Variants in PDCD6IP observed in about 807,000 individuals in gnomAD.
PDCD6IP encodes programmed cell death 6-interacting protein.
PDCD6IP carries 43 observed loss-of-function variants against 103.7 expected under a neutral mutation model. That is an observed-to-expected ratio of 0.41 (90% CI 0.32 to 0.53). PDCD6IP has a LOEUF of 0.53. PDCD6IP is among the 20% of genes least tolerant of loss of function. The pLI is 0.16. For missense variants in PDCD6IP, 871 were observed against 1,036.7 expected (o/e 0.84, Z 2.20); for synonymous variants, 354 against 378.7 (o/e 0.93, Z 0.76).
At chr3:33,863,583 A>G (rs1697999698) in intron 15 of PDCD6IP, among the ~76,000 whole-genome samples, 1 of 152,212 alleles carries the variant, frequency 6.6e-6, no homozygotes, top group South Asian at 2.1e-4. Flanking sequence ...TGTTGCTGCA[A>G]ATGACAGAAT....
chr3:33,858,316 A>G (rs1444249579), intron 15 of PDCD6IP, among the ~76,000 whole-genome samples: 3 of 152,204 alleles, frequency 2.0e-5, no homozygotes, highest in Non-Finnish European at 4.4e-5. Flanking sequence ...TAAAGATGTC[A>G]ATTCTAAGTT....
At chr3:33,826,606 T>TG in intron 6 of PDCD6IP, 26 bp downstream of exon 6, 1 of 1,609,560 alleles carries the variant, frequency 6.2e-7, no homozygotes, top group Non-Finnish European at 8.5e-7. Flanking sequence ...TATAAACACT[T>TG]GCTTACTTTG....
intron 3 of PDCD6IP, among the ~76,000 whole-genome samples, chr3:33,815,936 A>G (rs1696840120): frequency 6.6e-6 from 1 of 152,186 alleles, no homozygotes; most frequent in African/African-American, 2.4e-5. Flanking sequence ...AGTCAGAGCT[A>G]AGTAATATAA....
chr3:33,865,138 T>G (rs1001812288), intron 16 of PDCD6IP, 105 bp from the exon 17 acceptor site: 8 of 668,070 alleles, frequency 1.2e-5, no homozygotes, highest in Non-Finnish European at 1.9e-5. Context: ...AAAAATATAT[T>G]TGGTTGGATT....
chr3:33,818,544 G>A (rs1696915724), intron 3 of PDCD6IP, among the ~76,000 whole-genome samples: 1 of 125,032 alleles, frequency 8.0e-6, no homozygotes, highest in Non-Finnish European at 1.6e-5. Flanking sequence ...TTTTGATAGG[G>A]AGTCTCACTC....
chr3:33,818,265 G>A (rs1168113538), intron 3 of PDCD6IP, among the ~76,000 whole-genome samples: 2 of 151,182 alleles, frequency 1.3e-5, no homozygotes, highest in Non-Finnish European at 2.9e-5. Context: ...GCACCACCAC[G>A]CCTGGCGAAT....
intron 7 of PDCD6IP, among the ~76,000 whole-genome samples, chr3:33,829,705 G>C (rs909027643): frequency 6.6e-6 from 1 of 152,080 alleles, no homozygotes; most frequent in Non-Finnish European, 1.5e-5. Flanking sequence ...TTTGAGTTAG[G>C]GAAGTTTAAA....
intron 3 of PDCD6IP, among the ~76,000 whole-genome samples, chr3:33,820,356 CT>C (rs1307644802): frequency 1.3e-5 from 2 of 152,038 alleles, no homozygotes; most frequent in African/African-American, 4.8e-5. Context: ...TTCTTTCAGT[CT>C]CTGAATTAAA....
intron 6 of PDCD6IP, 138 bp downstream of exon 6, chr3:33,826,718 G>GTTTT: frequency 1.4e-5 from 15 of 1,085,634 alleles, no homozygotes; most frequent in South Asian, 2.1e-5. Flanking sequence ...AGTAGAAATA[G>GTTTT]TTTTTTTTTT....
At chr3:33,811,992 A>G (rs879119507) in intron 1 of PDCD6IP, 80 bp from the exon 2 acceptor site, 15 of 1,451,284 alleles carry the variant, frequency 1.0e-5, no homozygotes, top group South Asian at 1.0e-4. Context: ...TAATTTTTGT[A>G]TCATTTTAAA....
intron 15 of PDCD6IP, among the ~76,000 whole-genome samples, chr3:33,861,249 A>G (rs186588560): frequency 1.0e-3 from 155 of 151,820 alleles, no homozygotes; most frequent in Middle Eastern, 0.01. Flanking sequence ...GGTTCAAGCA[A>G]TTCTCTGCCT....
chr3:33,819,634 G>A (rs1696942915), intron 3 of PDCD6IP, among the ~76,000 whole-genome samples: 1 of 152,184 alleles, frequency 6.6e-6, no homozygotes, highest in African/African-American at 2.4e-5. Flanking sequence ...AACAAGGAGG[G>A]CTTTACTTTA....
intron 2 of PDCD6IP, among the ~76,000 whole-genome samples, chr3:33,812,570 C>T (rs1007945861): frequency 3.9e-5 from 6 of 152,190 alleles, no homozygotes; most frequent in African/African-American, 1.2e-4. Flanking sequence ...CAACTATTTT[C>T]TCCTTAAAGG....
intron 1 of PDCD6IP, 89 bp from the exon 2 acceptor site, chr3:33,811,983 A>G (rs1696729762): frequency 7.0e-7 from 1 of 1,429,080 alleles, no homozygotes; most frequent in Admixed American, 2.9e-5. Flanking sequence ...AAGCATGAAT[A>G]ATTTTTGTAT....
At chr3:33,808,402 T>G (rs959564608) in intron 1 of PDCD6IP, among the ~76,000 whole-genome samples, 1 of 152,124 alleles carries the variant, frequency 6.6e-6, no homozygotes, top group Non-Finnish European at 1.5e-5. Context: ...TCCCGCTGCA[T>G]AGTCCCTTTG....
chr3:33,838,201 T>A lies in PDCD6IP; in HGVS notation c.1058-3T>A. 1 of 1,612,114 alleles carries A rather than the reference T, an allele frequency of 6.2e-7. No individual in the cohort carries two copies. The highest frequency in any genetic ancestry group is 1.3e-5 in the African/African-American group (1 of 75,010). On this transcript the variant is annotated splice_region_variant and splice_polypyrimidine_tract_variant and intron_variant, in intron 8 of 17. Coordinates refer to ENST00000307296, the MANE Select transcript of PDCD6IP (RefSeq NM_013374.6). ...TTGTTGTAATTTCTCTTCCTAATTT[T>A]AGATCTGTTTGAGAAGATGGTTCCC...
At chr3:33,858,195 TATAAA>T (rs1211008503) in intron 15 of PDCD6IP, among the ~76,000 whole-genome samples, 2 of 152,154 alleles carry the variant, frequency 1.3e-5, no homozygotes, top group African/African-American at 2.4e-5. Context: ...AAGGATAAAA[TATAAA>T]ATATAAGTTT....
chr3:33,836,537 G>A (rs1697352054), intron 8 of PDCD6IP, among the ~76,000 whole-genome samples: 1 of 152,022 alleles, frequency 6.6e-6, no homozygotes, highest in Non-Finnish European at 1.5e-5. Context: ...GTTAACTTTT[G>A]TTATTTAAGA....
intron 7 of PDCD6IP, among the ~76,000 whole-genome samples, chr3:33,830,630 A>G (rs72860001): frequency 2.1e-3 from 319 of 152,264 alleles, no homozygotes; most frequent in African/African-American, 7.2e-3. Context: ...TAGTCCAGCT[A>G]CTTGGGAGGT....
Sources: gnomAD v4.1 joint callset for allele counts (sites outside exome capture counted in the v4.1 genomes callset) on GRCh38, gnomAD v4.1.1 for gene constraint, MANE v1.5 for transcripts, NCBI Gene and HGNC (gene_info 2026-07-23, HGNC 2026-07-21) for gene names.